ROBO3: variants seen among roughly 807,000 people sequenced by gnomAD.
ROBO3 encodes the protein roundabout homolog 3.
In ROBO3, 97 loss-of-function variants were observed where a neutral mutation model predicts 160.5. The observed-to-expected ratio is 0.60, with a 90% CI of 0.51 to 0.72. ROBO3 has a LOEUF of 0.72. Ranked by LOEUF, ROBO3 falls within the 30% of genes least tolerant of loss-of-function variation. The pLI, the probability that ROBO3 is intolerant of heterozygous loss-of-function variation, is 0.00. For missense variants in ROBO3, 1,858 were observed against 1,846.5 expected, an observed-to-expected ratio of 1.01 and a Z score of -0.11; for synonymous variants, 780 against 746.2, an observed-to-expected ratio of 1.05 and a Z score of -0.74.
chr11:124,875,138 G>T lies in ROBO3; in HGVS notation c.2101G>T (p.Gly701Cys). Reference protein sequence around the residue: ...TVDGPVQLVQGFRVSWRVAGP... With the variant: ...TVDGPVQLVQCFRVSWRVAGP... Reference sequence around the variant, plus strand: ...GGATGGCCCAGTCCAGCTGGTGCAAGGTTTCCGGGTGTCTTGGAGGGTAGC... The same window carrying T: ...GGATGGCCCAGTCCAGCTGGTGCAATGTTTCCGGGTGTCTTGGAGGGTAGC... The change falls in exon 14 of 28, where the codon GGT (glycine) becomes TGT (cysteine). Residue 701 changes from glycine to cysteine, a missense_variant. Coordinates refer to ENST00000397801, the MANE Select transcript of ROBO3 (RefSeq NM_022370.4). The T allele has an allele frequency of 6.2e-7, 1 of 1,611,676 alleles. No homozygotes were observed. Among genetic ancestry groups the T allele is most frequent in the South Asian group, 1.1e-5 (1 of 90,770 alleles).
chr11:124,870,531 G>A, intron 5 of ROBO3, 70 bp from the exon 6 acceptor site: 3 of 1,605,480 alleles, frequency 1.9e-6, no homozygotes, highest in Non-Finnish European at 2.6e-6. Flanking sequence ...TGACCCTGGT[G>A]TCTGTCCTGG....
In ROBO3 at chr11:124,870,251, C is replaced by A. The variant is rs373314132; in HGVS notation, c.853C>A (p.Pro285Thr). The A allele has an allele frequency of 1.8e-5, 29 of 1,613,890 alleles. No homozygotes were observed. Among genetic ancestry groups the A allele is most frequent in the Admixed American group, 5.0e-5 (3 of 59,998 alleles). Reference sequence around the variant, plus strand: ...TTTCCTATGTGAGGTGAAGGGGGATCCCCCACCTCGTCTACGCTGGCGCAA... The same window carrying A: ...TTTCCTATGTGAGGTGAAGGGGGATACCCCACCTCGTCTACGCTGGCGCAA... ...VTFLCEVKGD[P>T]PPRLRWRKED... Residue 285 changes from proline to threonine, a missense_variant, in exon 5 of 28, where the codon CCC becomes ACC. Physicochemically the swap from Pro to Thr is conservative, Grantham distance 38. Coordinates refer to ENST00000397801, the MANE Select transcript of ROBO3 (RefSeq NM_022370.4).
chr11:124,871,050 T>C lies in ROBO3; in HGVS notation c.1070T>C (p.Met357Thr), dbSNP rs776733364. Residue 357 changes from methionine to threonine, a missense_variant, in exon 7 of 28, where the codon ATG becomes ACG. Physicochemically the swap from Met to Thr is moderately conservative, Grantham distance 81. Coordinates refer to ENST00000397801, the MANE Select transcript of ROBO3 (RefSeq NM_022370.4). ...PQLVTQPQDQ[M>T]AAPGESVAFQ... ...TTGGTGACCCAGCCCCAGGACCAGATGGCAGCTCCTGGAGAGAGCGTGGCT... is the reference window on the plus strand; with the variant it reads ...TTGGTGACCCAGCCCCAGGACCAGACGGCAGCTCCTGGAGAGAGCGTGGCT... 1.9e-6 allele frequency: 3 copies of C among 1,610,652 alleles called. No individual in the cohort carries two copies. Among genetic ancestry groups the C allele is most frequent in the East Asian group, 2.2e-5 (1 of 44,758 alleles).
At position 124,865,642 on chromosome 11, in the gene ROBO3, A is replaced by G; in HGVS notation, c.65A>G (p.Asp22Gly). Residue 22 changes from aspartate (D) to glycine (G), a missense_variant, in exon 1 of 28, where the codon GAC (aspartate) becomes GGC (glycine). Physicochemically the swap from Asp to Gly is moderately conservative, Grantham distance 94. Coordinates refer to ENST00000397801, the MANE Select transcript of ROBO3 (RefSeq NM_022370.4). The surrounding 1 kb of genome is among the most constrained non-coding windows in gnomAD (Gnocchi z 5.5). ...TTGTTCGCGGACTCTCTGGCCGGGGACATCTCCAACTCCAGCGAGCTGCTC... is the reference window on the plus strand; with the variant it reads ...TTGTTCGCGGACTCTCTGGCCGGGGGCATCTCCAACTCCAGCGAGCTGCTC... ...MNLFADSLAG[D>G]ISNSSELLLG... The G allele has an allele frequency of 6.2e-7, 1 of 1,612,944 alleles. No homozygotes were observed. Among genetic ancestry groups the G allele is most frequent in the Non-Finnish European group, 8.5e-7 (1 of 1,179,688 alleles).
rs146526326 is a variant in ROBO3 at position 124,870,980 on chromosome 11, C to A, written c.1034-34C>A. The A allele has an allele frequency of 4.1e-4, 657 of 1,595,704 alleles. 4 individuals carry two copies. The African/African-American group carries it at 7.7e-3, about 19-fold the overall frequency. On this transcript the variant is annotated intron_variant, in intron 6 of 27. Transcript: ENST00000397801. ...CAGTCTCCTTTCTTAGTGCCTCTGA[C>A]TACCTGTTCCTTTTTCTCACCTGCC...
At chr11:124,868,640 A>T (rs752545732) in intron 1 of ROBO3, 162 bp from the exon 2 acceptor site, 4 of 766,560 alleles carry the variant, frequency 5.2e-6, no homozygotes, top group Non-Finnish European at 9.0e-6. Context: ...GCCAATAAGG[A>T]CATATTGGAT....
intron 19 of ROBO3, 71 bp downstream of exon 19, chr11:124,877,380 C>T: frequency 6.2e-7 from 1 of 1,600,774 alleles, no homozygotes; most frequent in East Asian, 2.2e-5. Context: ...CCCGCTGACG[C>T]CCCAGGTGGA....
In ROBO3 at chr11:124,872,986, C is replaced by T. The variant is rs767693909; in HGVS notation, c.1433C>T (p.Pro478Leu). The T allele has an allele frequency of 6.2e-7, 1 of 1,613,750 alleles. No homozygotes were observed. The change falls in exon 9 of 28, where the codon CCT (proline) becomes CTT (leucine). Residue 478 changes from proline (P) to leucine (L), a missense_variant. Transcript: ENST00000397801. This position sits in a 1 kb window ranked among gnomAD's most constrained non-coding sequence, Gnocchi z 4.3. ...VWLPCRVTGN[P>L]QPSVRWKKDG... The stretch of plus-strand genomic sequence containing the variant: ...CTGCCCTGCAGAGTGACTGGGAACC[C>T]TCAACCCAGTGTCCGATGGAAGAAG...
In ROBO3 at chr11:124,874,887, G is replaced by A. The variant is rs769968241; in HGVS notation, c.2051G>A (p.Arg684Gln). Residue 684 changes from arginine to glutamine, a missense_variant, in exon 13 of 28, where the codon CGG (arginine) becomes CAG (glutamine). By Grantham distance (43) the Arg-to-Gln change is conservative (BLOSUM62 1). Coordinates refer to ENST00000397801, the MANE Select transcript of ROBO3 (RefSeq NM_022370.4). ...CAGGAGCCCATAGTCCTGGGACCCC[G>A]GACCCTGCAGGTGTCCTGGACTGTG... Reference protein sequence around the residue: ...RLQEPIVLGPRTLQVSWTVDG... With the variant: ...RLQEPIVLGPQTLQVSWTVDG... The A allele has an allele frequency of 5.6e-6, 9 of 1,602,688 alleles. No homozygotes were observed. The highest frequency in any genetic ancestry group is 2.2e-5 in the East Asian group (1 of 44,582).
At chr11:124,870,573 A>G (rs759573583) in intron 5 of ROBO3, 28 bp from the exon 6 acceptor site, 4 of 1,613,360 alleles carry the variant, frequency 2.5e-6, no homozygotes, top group Non-Finnish European at 2.5e-6. Flanking sequence ...GCTGTGGCCA[A>G]CCCAGCCTGG....
Position 124,872,618 on chromosome 11 carries a change from G to A in ROBO3, c.1330+66G>A. On this transcript the variant is annotated intron_variant, in intron 8 of 27. Transcript: ENST00000397801. The surrounding 1 kb of genome is among the most constrained non-coding windows in gnomAD (Gnocchi z 4.3). ...AGGAAATAATGGCCTAAAGTGATGT[G>A]TTTCTCTTGGAGTCTATATACTATG... 3 of 1,478,690 alleles carry A rather than the reference G, an allele frequency of 2.0e-6. No homozygotes were observed. Among genetic ancestry groups the A allele is most frequent in the South Asian group, 1.3e-5 (1 of 79,968 alleles). The allele number at this position is 1,478,690 out of a possible 1,614,324, so 91.6% of individuals were successfully genotyped here. A position where few individuals can be genotyped will look rare whatever the true frequency, so the allele number is the denominator to read the frequency against.
chr11:124,881,001 C>A (rs1330837310), intron 27 of ROBO3, among the ~76,000 whole-genome samples: 1 of 152,084 alleles, frequency 6.6e-6, no homozygotes, highest in African/African-American at 2.4e-5. Context: ...CTGCAGTGAG[C>A]CATGATCACA....
Position 124,869,436 on chromosome 11 carries a change from A to ACCGCC in ROBO3, c.488-7_488-3dup. The ACCGCC allele has an allele frequency of 7.8e-7, 1 of 1,280,686 alleles. No homozygotes were observed. Among genetic ancestry groups the ACCGCC allele is most frequent in the African/African-American group, 1.6e-5 (1 of 61,476 alleles). 79.3% of individuals were successfully genotyped at this position (1,280,686 alleles called of 1,614,324 possible). On this transcript the variant is annotated splice_polypyrimidine_tract_variant and intron_variant, in intron 2 of 27. Coordinates refer to ENST00000397801, the MANE Select transcript of ROBO3 (RefSeq NM_022370.4). This position sits in a 1 kb window ranked among gnomAD's most constrained non-coding sequence, Gnocchi z 4.2. Reference sequence around the variant, plus strand: ...CTACACCCTGCTTATTTCGCCCCCCACCGCCCCGCCCAGTCCTCCGTGATG... The same window carrying ACCGCC: ...CTACACCCTGCTTATTTCGCCCCCCACCGCCCCGCCCCGCCCAGTCCTCCGTGATG...
chr11:124,877,383 C>A lies in ROBO3; in HGVS notation c.2846+74C>A, dbSNP rs368898110. On this transcript the variant is annotated intron_variant, in intron 19 of 27. Coordinates refer to ENST00000397801, the MANE Select transcript of ROBO3 (RefSeq NM_022370.4). ...CTCTTCTTCCGCCCCGCTGACGCCC[C>A]AGGTGGAGGGAGCATGGCCACCTCC... 415 of 1,599,506 alleles carry A rather than the reference C, an allele frequency of 2.6e-4. 2 individuals carry two copies. In the African/African-American group the frequency reaches 5.0e-3, roughly 19 times the overall value.
At position 124,872,286 on chromosome 11, in the gene ROBO3, G is replaced by A; in HGVS notation, c.1159-95G>A. The A allele has an allele frequency of 2.6e-6, 3 of 1,156,570 alleles. No homozygotes were observed. The highest frequency in any genetic ancestry group is 1.7e-5 in the Admixed American group (1 of 58,812). 71.6% of individuals were successfully genotyped at this position (1,156,570 alleles called of 1,614,324 possible). On this transcript the variant is annotated intron_variant, in intron 7 of 27. Transcript: ENST00000397801. This position sits in a 1 kb window ranked among gnomAD's most constrained non-coding sequence, Gnocchi z 4.3. ...AGACAGACGATGAACTAGAATCATA[G>A]GAATTCTCTGAATTTTGAGATTGAC... is the stretch of plus-strand genomic sequence containing the variant.
chr11:124,879,716 G>T (rs1055783710), intron 25 of ROBO3, 71 bp from the exon 26 acceptor site: 14 of 1,595,292 alleles, frequency 8.8e-6, no homozygotes, highest in African/African-American at 1.3e-5. Flanking sequence ...CTGGTGCCAG[G>T]GAATGCAGGT....
In ROBO3 at chr11:124,876,363, C is replaced by T. The variant is rs1469805811; in HGVS notation, c.2682C>T (p.Leu894=). 2 of 1,435,186 alleles carry T rather than the reference C, an allele frequency of 1.4e-6. No homozygotes were observed. Among genetic ancestry groups the T allele is most frequent in the South Asian group, 1.5e-5 (1 of 68,512 alleles). 88.9% of individuals were successfully genotyped at this position (1,435,186 alleles called of 1,614,324 possible). A position where few individuals can be genotyped will look rare whatever the true frequency, so the allele number is the denominator to read the frequency against. The change falls in exon 17 of 28, where the codon CTC becomes CTT. Residue 894 remains leucine, a synonymous_variant. Transcript: ENST00000397801. This position sits in a 1 kb window ranked among gnomAD's most constrained non-coding sequence, Gnocchi z 5.3. ...GGGTGCTGCGGGAGCCCGCCTTCCTCGCGGGCAGCGGCGCAGCCTGCGGGG... is the reference window on the plus strand; with the variant it reads ...GGGTGCTGCGGGAGCCCGCCTTCCTTGCGGGCAGCGGCGCAGCCTGCGGGG... The part of the protein sequence containing the change: ...LARVLREPAF[L]AGSGAACGAL...
In ROBO3 at chr11:124,878,231, T is replaced by C; in HGVS notation, c.3182-67T>C. On this transcript the variant is annotated intron_variant, in intron 21 of 27. Transcript: ENST00000397801. The surrounding 1 kb of genome is among the most constrained non-coding windows in gnomAD (Gnocchi z 4.3). ...TCTGGCACCTAGCCCGGCACTTCCTTCTGACCTGTCTCATCTCTGGCTCTT... is the reference window on the plus strand; with the variant it reads ...TCTGGCACCTAGCCCGGCACTTCCTCCTGACCTGTCTCATCTCTGGCTCTT... 6.3e-7 allele frequency: 1 copy of C among 1,591,020 alleles called. No homozygotes were observed. The highest frequency in any genetic ancestry group is 1.1e-5 in the South Asian group (1 of 88,302).
At position 124,878,432 on chromosome 11, in the gene ROBO3, G is replaced by C. The variant is rs1210854994; in HGVS notation, c.3316G>C (p.Gly1106Arg). ...AGAAGGGCCGGAGGAGGAGCTGGAG[G>C]GCAGGTAGAGATGCTCCCTGCTTCC... ...CLEGPEEELE[G>R]SSEPEEWCPP... The change falls in exon 22 of 28, where the codon GGC becomes CGC. Residue 1106 changes from glycine (G) to arginine (R), a missense_variant. Physicochemically the swap from Gly to Arg is moderately radical, Grantham distance 125 (BLOSUM62 -2). Coordinates refer to ENST00000397801, the MANE Select transcript of ROBO3 (RefSeq NM_022370.4). This position sits in a 1 kb window ranked among gnomAD's most constrained non-coding sequence, Gnocchi z 4.3. 6.2e-7 allele frequency: 1 copy of C among 1,612,604 alleles called. No homozygotes were observed. The highest frequency in any genetic ancestry group is 1.3e-5 in the African/African-American group (1 of 74,896).
Sources: gnomAD v4.1 joint callset for allele counts (sites outside exome capture counted in the v4.1 genomes callset) on GRCh38, gnomAD v4.1.1 for gene constraint, Gnocchi (gnomAD v3.1) non-coding constraint, MANE v1.5 for transcripts, NCBI Gene and HGNC (gene_info 2026-07-23, HGNC 2026-07-21) for gene names.